The following SCFD2 variants were observed in gnomAD, a reference collection of about 807,000 sequenced individuals.
SCFD2 encodes the protein sec1 family domain-containing protein 2.
In SCFD2, 54 loss-of-function variants were observed where a neutral mutation model predicts 58.9. The ratio of observed to expected loss-of-function variants is 0.92; its 90% confidence interval spans 0.74 to 1.15. The LOEUF is 1.15. Ranked by LOEUF, SCFD2 falls within the 50% of genes most tolerant of loss-of-function variation. The pLI, the probability that SCFD2 is intolerant of heterozygous loss-of-function variation, is 0.00. For synonymous variants in SCFD2, 321 were observed against 335.9 expected, an observed-to-expected ratio of 0.96 and a Z score of 0.49; for missense variants, 805 against 836.6, an observed-to-expected ratio of 0.96 and a Z score of 0.47.
At position 52,907,610 on chromosome 4, in the gene SCFD2, A is replaced by G. The variant is rs181683353; in HGVS notation, c.1708-19T>C. Reference sequence around the variant, plus strand: ...AAGATGCCTGGAAAGACAAAATACTATGAGTAAAGGGATTGTTTGGTTTGT... The same window carrying G: ...AAGATGCCTGGAAAGACAAAATACTGTGAGTAAAGGGATTGTTTGGTTTGT... On this transcript the variant is annotated intron_variant, in intron 6 of 8. Coordinates refer to ENST00000401642, the MANE Select transcript of SCFD2 (RefSeq NM_152540.4). 2.9e-5 allele frequency: 46 copies of G among 1,613,124 alleles called. No homozygotes were observed. The African/African-American group carries it at 5.5e-4, about 19-fold the overall frequency.
At chr4:52,874,257 CTGGGACAGATGGCCTG>C (rs1203172508) in intron 8 of SCFD2, among the ~76,000 whole-genome samples, 196 bp from the exon 9 acceptor site, 1 of 152,184 alleles carries the variant, frequency 6.6e-6, no homozygotes, top group East Asian at 1.9e-4. Context: ...GGGGCACAGT[CTGGGACAGATGGCCTG>C]TGGGACAGCC....
intron 6 of SCFD2, among the ~76,000 whole-genome samples, chr4:52,908,228 TA>T (rs1181507346): frequency 3.9e-5 from 6 of 152,242 alleles, no homozygotes; most frequent in African/African-American, 7.2e-5. Flanking sequence ...TACAGTTTGA[TA>T]AATTCTGCTA....
At chr4:52,998,383 G>T (rs969464599) in intron 5 of SCFD2, among the ~76,000 whole-genome samples, 3 of 152,210 alleles carry the variant, frequency 2.0e-5, no homozygotes, top group Non-Finnish European at 2.9e-5. Flanking sequence ...CTTCAAAGAA[G>T]AATGAGTGCT....
intron 2 of SCFD2, among the ~76,000 whole-genome samples, chr4:53,314,202 TCAG>T (rs1301431502): frequency 6.6e-6 from 1 of 152,180 alleles, no homozygotes; most frequent in East Asian, 1.9e-4. Context: ...AACAAAGCAA[TCAG>T]CAATGAGCAT....
chr4:53,187,684 T>G (rs1313086015), intron 4 of SCFD2, among the ~76,000 whole-genome samples: 2 of 152,072 alleles, frequency 1.3e-5, no homozygotes, highest in Non-Finnish European at 2.9e-5. Flanking sequence ...GGTCCCATTT[T>G]CATTAAAACA....
intron 5 of SCFD2, among the ~76,000 whole-genome samples, chr4:53,021,665 C>T (rs1184358318): frequency 6.6e-6 from 1 of 151,956 alleles, no homozygotes; most frequent in East Asian, 1.9e-4. Context: ...GAGAAGGTGA[C>T]ATTCGAGATC....
At chr4:53,220,995 G>T (rs1374328800) in intron 4 of SCFD2, among the ~76,000 whole-genome samples, 1 of 152,134 alleles carries the variant, frequency 6.6e-6, no homozygotes, top group African/African-American at 2.4e-5. Context: ...AAAAAAATAG[G>T]TATTAACAAA....
intron 2 of SCFD2, among the ~76,000 whole-genome samples, chr4:53,323,434 C>T (rs1260712740): frequency 1.3e-5 from 2 of 151,294 alleles, no homozygotes; most frequent in African/African-American, 4.9e-5. Flanking sequence ...AGTATAGTAG[C>T]ATAATCACAG....
At chr4:53,213,311 C>T (rs933755835) in intron 4 of SCFD2, among the ~76,000 whole-genome samples, 1 of 152,062 alleles carries the variant, frequency 6.6e-6, no homozygotes, top group African/African-American at 2.4e-5. Flanking sequence ...AAAGAAATTC[C>T]TCTTGGAGAT....
intron 3 of SCFD2, among the ~76,000 whole-genome samples, chr4:53,302,970 A>G (rs535297104): frequency 1.3e-5 from 2 of 152,350 alleles, no homozygotes; most frequent in South Asian, 4.1e-4. Context: ...TTAAAGACTT[A>G]CATGTTAGAC....
intron 5 of SCFD2, among the ~76,000 whole-genome samples, chr4:53,011,265 C>G (rs997049768): frequency 5.9e-5 from 9 of 152,024 alleles, no homozygotes; most frequent in Non-Finnish European, 1.2e-4. Context: ...TTTTTTCCCC[C>G]CCAAAGAAGT....
intron 5 of SCFD2, among the ~76,000 whole-genome samples, chr4:53,028,754 A>AG (rs1477318944): frequency 6.6e-6 from 1 of 152,180 alleles, no homozygotes; most frequent in South Asian, 2.1e-4. Context: ...TTAAGTATAA[A>AG]GGGGGAGTGA....
intron 7 of SCFD2, among the ~76,000 whole-genome samples, chr4:52,891,488 G>C (rs191521254): frequency 1.3e-5 from 2 of 152,300 alleles, no homozygotes; most frequent in East Asian, 1.9e-4. Flanking sequence ...AGACACAGAG[G>C]CTTAACGAGG....
At chr4:53,248,360 T>C (rs1416569686) in intron 4 of SCFD2, among the ~76,000 whole-genome samples, 1 of 152,172 alleles carries the variant, frequency 6.6e-6, no homozygotes. Context: ...GCGCCCGCCA[T>C]TGCTCAGGCT....
In SCFD2 at chr4:53,248,984, G is replaced by C. The variant is rs112942440; in HGVS notation, c.1311+24842C>G. 9.2e-3 allele frequency among the ~76,000 whole-genome samples: 1,396 copies of C among 152,290 alleles called. 21 individuals are homozygous for C. The highest frequency in any genetic ancestry group is 0.032 in the African/African-American group (1,316 of 41,548). On this transcript the variant is annotated intron_variant, in intron 4 of 8. Coordinates refer to ENST00000401642, the MANE Select transcript of SCFD2 (RefSeq NM_152540.4). ...GACTTTGATGAGTTGAGAGAAGAAA[G>C]CTTCAGACGATCAAACTACTCCGAG...
intron 4 of SCFD2, among the ~76,000 whole-genome samples, chr4:53,202,284 T>A (rs1201900214): frequency 2.0e-5 from 3 of 152,220 alleles, no homozygotes; most frequent in Non-Finnish European, 4.4e-5. Context: ...TAATAGGGAA[T>A]CCTTTCCCCA....
chr4:53,301,407 T>C (rs997046858), intron 3 of SCFD2, among the ~76,000 whole-genome samples: 1 of 151,484 alleles, frequency 6.6e-6, no homozygotes. Context: ...CAGGAAGAGG[T>C]TGAATCTCTG....
chr4:52,945,610 T>C (rs1212021429), intron 5 of SCFD2: 1 of 152,124 alleles, frequency 6.6e-6, no homozygotes, highest in Non-Finnish European at 1.5e-5. Context: ...AAGACTCAAA[T>C]TCAAAAAACA....
chr4:53,144,988 G>A (rs1164521888), intron 5 of SCFD2, among the ~76,000 whole-genome samples: 10 of 152,140 alleles, frequency 6.6e-5, no homozygotes, highest in African/African-American at 1.9e-4. Flanking sequence ...TCAGATCAGC[G>A]GCAGCATTCG....
Sources: allele counts gnomAD v4.1 joint callset (sites outside exome capture counted in the v4.1 genomes callset), GRCh38; gene constraint gnomAD v4.1.1; transcripts MANE v1.5; gene names NCBI Gene and HGNC (gene_info 2026-07-23, HGNC 2026-07-21).